GOLIM4: variants seen among roughly 807,000 people sequenced by gnomAD.
GOLIM4 encodes golgi integral membrane protein 4, also known as 130 kDa golgi-localized phosphoprotein.
Under a neutral mutation model 107.4 loss-of-function variants are expected in GOLIM4, and 71 were observed. The observed-to-expected ratio is 0.66, with a 90% CI of 0.55 to 0.81. The LOEUF is 0.81. Among genes scored for constraint, GOLIM4 ranks in the 30% least tolerant of loss-of-function variants. The pLI, the probability that GOLIM4 is intolerant of heterozygous loss-of-function variation, is 0.00. For synonymous variants in GOLIM4, 327 were observed against 294.8 expected (o/e 1.11, Z -1.12); for missense variants, 830 against 826.1 (o/e 1.00, Z -0.06).
chr3:168,019,921 T>C (rs1404219753), intron 14 of GOLIM4, among the ~76,000 whole-genome samples: 2 of 151,324 alleles, frequency 1.3e-5, no homozygotes, highest in African/African-American at 4.9e-5. Flanking sequence ...TTGATGACTG[T>C]TGCTTAGATC....
chr3:168,060,808 T>C (rs1284868701), intron 1 of GOLIM4, among the ~76,000 whole-genome samples: 1 of 152,130 alleles, frequency 6.6e-6, no homozygotes, highest in African/African-American at 2.4e-5. Flanking sequence ...CCCCATGAGC[T>C]TTTCTAGGGG....
At chr3:168,045,008 TG>T (rs1424981478) in intron 3 of GOLIM4, 127 bp from the exon 4 acceptor site, 9 of 549,324 alleles carry the variant, frequency 1.6e-5, no homozygotes, top group Admixed American at 7.7e-5. Context: ...ATTCTACATT[TG>T]AACCAAGATG....
intron 1 of GOLIM4, among the ~76,000 whole-genome samples, chr3:168,075,286 G>GT (rs374374393): frequency 0.14 from 13,332 of 93,966 alleles, 3,941 homozygotes; most frequent in Non-Finnish European, 0.19. Flanking sequence ...ACATTCACTA[G>GT]TTTTTTTTTT....
intron 14 of GOLIM4, among the ~76,000 whole-genome samples, chr3:168,018,074 T>C (rs1415967292): frequency 6.6e-6 from 1 of 152,222 alleles, no homozygotes; most frequent in Non-Finnish European, 1.5e-5. Flanking sequence ...GTCACTTGAA[T>C]GCATTTCAAA....
chr3:168,017,794 T>C (rs1717457079), intron 14 of GOLIM4, among the ~76,000 whole-genome samples: 1 of 152,256 alleles, frequency 6.6e-6, no homozygotes. Context: ...AATTTCTTTA[T>C]GAAATAGTCT....
chr3:168,021,554 T>C (rs1444694329), intron 14 of GOLIM4, among the ~76,000 whole-genome samples: 1 of 152,068 alleles, frequency 6.6e-6, no homozygotes, highest in African/African-American at 2.4e-5. Context: ...TAATGCCAGC[T>C]ACTCGGGAGG....
chr3:168,017,280 G>C lies in GOLIM4; in HGVS notation c.1861-6457C>G, dbSNP rs1291745122. Among the ~76,000 whole-genome samples the C allele has an allele frequency of 5.9e-5, 9 of 152,066 alleles. No individual in the cohort carries two copies. The East Asian group carries it at 1.5e-3, about 26-fold the overall frequency. On this transcript the variant is annotated intron_variant, in intron 14 of 15. Transcript: ENST00000470487. ...AGGCAAGAGGATCACTTGAGCCCAG[G>C]AATTTGAGTCCTGGGAAACAAAGTG...
chr3:168,032,375 G>A (rs914123567), intron 9 of GOLIM4, 145 bp downstream of exon 9: 41 of 696,310 alleles, frequency 5.9e-5, no homozygotes, highest in Non-Finnish European at 9.8e-5. Context: ...AACATTACAA[G>A]AGAAAACTTA....
chr3:168,081,516 G>T (rs535117216), intron 1 of GOLIM4, among the ~76,000 whole-genome samples: 210 of 152,292 alleles, frequency 1.4e-3, no homozygotes, highest in African/African-American at 4.7e-3. Flanking sequence ...ACTCAGTTTT[G>T]TAAGTCCTGT....
In GOLIM4 at chr3:168,033,606, CAAAAAAAAAAAAA is replaced by C. The variant is rs61728774; in HGVS notation, c.844-767_844-755del. Among the ~76,000 whole-genome samples, 134 of 31,296 alleles carry C rather than the reference CAAAAAAAAAAAAA, an allele frequency of 4.3e-3. No individual in the cohort carries two copies. In the East Asian group the frequency reaches 0.16, roughly 37 times the overall value. The allele number at this position is 31,296 out of a possible 152,430, so 20.5% of individuals were successfully genotyped here. On this transcript the variant is annotated intron_variant, in intron 8 of 15. Transcript: ENST00000470487. ...TGGGCGACAGAGCAAGACTCCGTCT[CAAAAAAAAAAAAA>C]AAAAAAAAAAAAAAAAAAAAAAGAA...
chr3:168,088,887 A>C (rs939693486), intron 1 of GOLIM4, among the ~76,000 whole-genome samples: 2 of 152,230 alleles, frequency 1.3e-5, no homozygotes, highest in Admixed American at 1.3e-4. Flanking sequence ...AAATCAAGGC[A>C]AGGCTTCCAA....
chr3:168,014,514 G>C (rs904516555), intron 14 of GOLIM4, among the ~76,000 whole-genome samples: 7 of 128,088 alleles, frequency 5.5e-5, no homozygotes, highest in Admixed American at 1.4e-4. Context: ...AATAGAAAAA[G>C]AGGGAATCCT....
rs974499688 is a variant in GOLIM4, at chr3:168,086,322, T to G, written c.187+8777A>C. ...ATCAACTGCCAAATTTTAATCTGTTTATAATATTTATTTGACAGCATCATA... is the reference window on the plus strand; with the variant it reads ...ATCAACTGCCAAATTTTAATCTGTTGATAATATTTATTTGACAGCATCATA... On this transcript the variant is annotated intron_variant, in intron 1 of 15. Transcript: ENST00000470487. Among the ~76,000 whole-genome samples the G allele has an allele frequency of 2.6e-5, 4 of 152,184 alleles. No homozygotes were observed. The South Asian group carries it at 8.3e-4, about 32-fold the overall frequency.
intron 1 of GOLIM4, among the ~76,000 whole-genome samples, chr3:168,091,291 A>C (rs1721895579): frequency 6.6e-6 from 1 of 152,186 alleles, no homozygotes; most frequent in African/African-American, 2.4e-5. Context: ...GCATTGCAAT[A>C]CTGTGTTTTA....
intron 4 of GOLIM4, 123 bp from the exon 5 acceptor site, chr3:168,043,652 G>T: frequency 3.0e-6 from 2 of 666,932 alleles, no homozygotes; most frequent in Non-Finnish European, 4.7e-6. Context: ...GAAGAAATAG[G>T]CTTTGTTTTT....
rs1407133574 is a variant in GOLIM4 at position 168,024,613 on chromosome 3, C to A, written c.1792-19G>T. On this transcript the variant is annotated intron_variant, in intron 13 of 15. Transcript: ENST00000470487. ...CTGCCATCTGTTGGAAACAAAAGGG[C>A]AGGTTCATGTTACTGTACATCAGAG... 4 of 1,598,474 alleles carry A rather than the reference C, an allele frequency of 2.5e-6. No individual in the cohort carries two copies. In the African/African-American group the frequency reaches 5.4e-5, roughly 21 times the overall value.
intron 14 of GOLIM4, among the ~76,000 whole-genome samples, chr3:168,015,497 A>G (rs1717311968): frequency 7.3e-6 from 1 of 137,258 alleles, no homozygotes; most frequent in African/African-American, 3.5e-5. Flanking sequence ...TGCCATCCCC[A>G]TCAAGCTACC....
intron 1 of GOLIM4, among the ~76,000 whole-genome samples, chr3:168,068,813 CTTTAA>C (rs10576108): frequency 0.041 from 6,153 of 150,870 alleles, 375 homozygotes; most frequent in African/African-American, 0.14. Context: ...CTTTTCTGCA[CTTTAA>C]TTTATTTTAT....
chr3:168,070,090 A>T (rs1720758224), intron 1 of GOLIM4, among the ~76,000 whole-genome samples: 1 of 152,110 alleles, frequency 6.6e-6, no homozygotes, highest in African/African-American at 2.4e-5. Context: ...AAGGTCATCC[A>T]GGTATTTAAC....
Sources: gnomAD v4.1 joint callset for allele counts (sites outside exome capture counted in the v4.1 genomes callset) on GRCh38, gnomAD v4.1.1 for gene constraint, MANE v1.5 for transcripts, NCBI Gene and HGNC (gene_info 2026-07-23, HGNC 2026-07-21) for gene names.